EPB41: variants seen among roughly 807,000 people sequenced by gnomAD.
The protein encoded by EPB41 is protein 4.1.
EPB41 carries 65 observed loss-of-function variants against 108.0 expected under a neutral mutation model. The observed-to-expected ratio is 0.60, with a 90% CI of 0.49 to 0.74. The LOEUF is 0.74. Among genes scored for constraint, EPB41 ranks in the 30% least tolerant of loss-of-function variants. EPB41 has a pLI of 0.00. For synonymous variants in EPB41, 336 were observed against 358.9 expected (o/e 0.94, Z 0.72); for missense variants, 875 against 1,037.0 (o/e 0.84, Z 2.15).
At chr1:29,107,851 C>CAA (rs58046908) in intron 17 of EPB41, among the ~76,000 whole-genome samples, 688 of 62,780 alleles carry the variant, frequency 0.011, 29 homozygotes, top group African/African-American at 0.03. Flanking sequence ...AACTCCATCT[C>CAA]AAAAAAAAAA....
chr1:28,993,663 T>C (rs1036472974), intron 3 of EPB41, 121 bp downstream of exon 3: 18 of 904,468 alleles, frequency 2.0e-5, no homozygotes, highest in African/African-American at 3.4e-5. Flanking sequence ...TTTTCTTTTT[T>C]TTTTTTTTTT....
chr1:29,118,143 T>G lies in EPB41; in HGVS notation c.*1331T>G, dbSNP rs1385389045. The G allele has an allele frequency of 6.6e-6, 1 of 152,478 alleles. No homozygotes were observed. The highest frequency in any genetic ancestry group is 6.6e-5 in the Admixed American group (1 of 15,264). The allele number at this position is 152,478 out of a possible 1,614,324, so 9.4% of individuals were successfully genotyped here. On this transcript the variant is annotated 3_prime_UTR_variant, in exon 21 of 21. Transcript: ENST00000343067. ...TTTTTTTGAGACGGAGTTTCGCTCT[T>G]GTTGCCCAAGCTGGAGTGCAGTGGC...
intron 4 of EPB41, among the ~76,000 whole-genome samples, chr1:29,004,718 A>T (rs867351150): frequency 6.6e-6 from 1 of 152,188 alleles, no homozygotes; most frequent in Middle Eastern, 3.4e-3. Context: ...TTTGTTTCTT[A>T]TTTTTTGTGT....
At chr1:29,106,489 C>G (rs1252817892) in intron 17 of EPB41, among the ~76,000 whole-genome samples, 1 of 148,416 alleles carries the variant, frequency 6.7e-6, no homozygotes, top group East Asian at 2.0e-4. Context: ...TGGAGTTTCA[C>G]TCTTGTTGCC....
At chr1:28,947,405 TCAGACAAA>T (rs751633798) in intron 1 of EPB41, among the ~76,000 whole-genome samples, 79 of 114,672 alleles carry the variant, frequency 6.9e-4, no homozygotes, top group African/African-American at 2.4e-3. Context: ...AGACTCCGTC[TCAGACAAA>T]CAAACAAACA....
chr1:29,098,011 C>A, intron 17 of EPB41, 76 bp downstream of exon 17: 1 of 1,595,128 alleles, frequency 6.3e-7, no homozygotes, highest in South Asian at 1.1e-5. Context: ...AGTTTCTAGT[C>A]ATTTATCGCC....
intron 1 of EPB41, among the ~76,000 whole-genome samples, chr1:28,966,802 AAAC>A (rs2095366117): frequency 1.3e-5 from 2 of 152,240 alleles, no homozygotes. Context: ...CATGTTTAAT[AAAC>A]AACGAGGAGA....
intron 1 of EPB41, among the ~76,000 whole-genome samples, chr1:28,921,937 T>TA (rs1411333372): frequency 7.6e-5 from 6 of 78,774 alleles, no homozygotes; most frequent in South Asian, 5.2e-4. Context: ...TTTATGAAAT[T>TA]TTATATATAT....
At chr1:28,963,244 A>G (rs1448618577) in intron 1 of EPB41, among the ~76,000 whole-genome samples, 1 of 152,098 alleles carries the variant, frequency 6.6e-6, no homozygotes, top group African/African-American at 2.4e-5. Context: ...TTGAGTGCCA[A>G]TTTTGTTAGC....
chr1:28,902,150 CAATA>C (rs1268813820), intron 1 of EPB41: 1 of 980,924 alleles, frequency 1.0e-6, no homozygotes, highest in Non-Finnish European at 1.2e-6. Context: ...AGTAGAATCT[CAATA>C]AATGTGTGAA....
chr1:29,073,237 T>C (rs1652371816), intron 16 of EPB41: 1 of 151,668 alleles, frequency 6.6e-6, no homozygotes, highest in Admixed American at 6.6e-5. Context: ...AGCTGATAAA[T>C]AAAAAATAAT....
At chr1:29,036,343 T>C (rs1398660962) in intron 10 of EPB41, among the ~76,000 whole-genome samples, 1 of 138,492 alleles carries the variant, frequency 7.2e-6, no homozygotes, top group African/African-American at 2.7e-5. Context: ...CACTGCAACC[T>C]CCGCCTCCCG....
rs113574563 is a variant in EPB41, at chr1:28,900,488, A to G, written c.-8+13278A>G. On this transcript the variant is annotated intron_variant, in intron 1 of 16. Coordinates refer to the EPB41 transcript ENST00000347529. ...TTTTTAGTAGAGATGGGGTTTCACC[A>G]TGTTGGCCAGGCTGGTCTTGAACTC... is the stretch of plus-strand genomic sequence containing the variant. 7.0e-3 allele frequency among the ~76,000 whole-genome samples: 1,057 copies of G among 151,954 alleles called. 11 individuals carry two copies. The highest frequency in any genetic ancestry group is 0.021 in the African/African-American group (877 of 41,456).
chr1:29,052,048 G>A (rs756222739), intron 11 of EPB41, among the ~76,000 whole-genome samples: 12 of 152,076 alleles, frequency 7.9e-5, no homozygotes, highest in Non-Finnish European at 1.8e-4. Flanking sequence ...CTGAAAGAAT[G>A]AACATAAAAA....
At chr1:29,108,153 T>C (rs1667858447) in intron 17 of EPB41, among the ~76,000 whole-genome samples, 1 of 150,690 alleles carries the variant, frequency 6.6e-6, no homozygotes, top group Non-Finnish European at 1.5e-5. Flanking sequence ...TATTTCTTTT[T>C]TTTTTTTTTT....
intron 16 of EPB41, among the ~76,000 whole-genome samples, chr1:29,087,622 A>G (rs1311930268): frequency 2.0e-5 from 3 of 152,144 alleles, no homozygotes. Context: ...TGGCCTCCCA[A>G]AGTGCTGGGA....
intron 1 of EPB41, chr1:28,893,963 A>C (rs1339591515): frequency 6.6e-6 from 1 of 152,088 alleles, no homozygotes; most frequent in African/African-American, 2.4e-5. Flanking sequence ...GAGAGAGGGC[A>C]CTCTGTGATT....
intron 16 of EPB41, among the ~76,000 whole-genome samples, chr1:29,066,202 T>C (rs6693902): frequency 0.98 from 148,890 of 151,952 alleles, 73,011 homozygotes; most frequent in East Asian, 1. Flanking sequence ...GGGCGGATCA[T>C]GAGGTCAGGA....
intron 5 of EPB41, among the ~76,000 whole-genome samples, chr1:29,013,834 G>GTTT (rs537368192): frequency 0.031 from 4,022 of 131,708 alleles, 71 homozygotes; most frequent in Non-Finnish European, 0.04. Flanking sequence ...CAGCCCTTAA[G>GTTT]TTTTTTTTTT....
Sources: allele counts gnomAD v4.1 joint callset (sites outside exome capture counted in the v4.1 genomes callset), GRCh38; gene constraint gnomAD v4.1.1; transcripts MANE v1.5; gene names NCBI Gene and HGNC (gene_info 2026-07-23, HGNC 2026-07-21).